The following FHIT variants were observed in gnomAD, a reference collection of about 807,000 sequenced individuals.
FHIT encodes fragile histidine triad diadenosine triphosphatase, also known as bis(5'-adenosyl)-triphosphatase.
Under a neutral mutation model 17.9 loss-of-function variants are expected in FHIT, and 19 were observed. That is an observed-to-expected ratio of 1.06 (90% confidence interval 0.74 to 1.56). The LOEUF is 1.56. FHIT is among the 40% of genes most tolerant of loss of function. The probability of loss-of-function intolerance (pLI) is 0.00; values close to 1 mark genes in which losing one functional copy is unlikely to be tolerated. For synonymous variants in FHIT, 81 were observed against 69.7 expected (o/e 1.16, Z -0.81); for missense variants, 248 against 189.2 (o/e 1.31, Z -1.82).
At chr3:61,068,028 C>G (rs1292020280) in intron 2 of FHIT, among the ~76,000 whole-genome samples, 1 of 152,174 alleles carries the variant, frequency 6.6e-6, no homozygotes. Flanking sequence ...ACTGCACAAC[C>G]CCCTCCTCAG....
At chr3:59,951,569 C>A (rs573384918) in intron 7 of FHIT, among the ~76,000 whole-genome samples, 21 of 152,324 alleles carry the variant, frequency 1.4e-4, no homozygotes, top group Non-Finnish European at 2.8e-4. Flanking sequence ...GACCCTTCAG[C>A]CAACTTGGGA....
intron 3 of FHIT, among the ~76,000 whole-genome samples, chr3:60,912,076 C>CGT (rs1553766054): frequency 1.3e-5 from 2 of 151,352 alleles, no homozygotes; most frequent in Non-Finnish European, 3.0e-5. Context: ...CACACACGTA[C>CGT]ACACACATAT....
In FHIT at chr3:60,106,192, T is replaced by C. The variant is rs1004705851; in HGVS notation, c.104-92040A>G. Reference sequence around the variant, plus strand: ...ATGGCAGTGCTTATGTTTAAGTAACTCTTCTCTTACTTAACGATAGCCCCA... The same window carrying C: ...ATGGCAGTGCTTATGTTTAAGTAACCCTTCTCTTACTTAACGATAGCCCCA... On this transcript the variant is annotated intron_variant, in intron 5 of 9. Transcript: ENST00000492590. Among the ~76,000 whole-genome samples the C allele has an allele frequency of 7.9e-5, 12 of 152,320 alleles. No individual in the cohort carries two copies. In the South Asian group the frequency reaches 2.5e-3, roughly 32 times the overall value.
intron 5 of FHIT, among the ~76,000 whole-genome samples, chr3:60,220,511 A>C (rs888392661): frequency 1.3e-5 from 2 of 152,224 alleles, no homozygotes; most frequent in Non-Finnish European, 2.9e-5. Context: ...CTTTTATTTT[A>C]AATGATTTAT....
At chr3:59,896,232 G>A (rs1704065643) in intron 8 of FHIT, among the ~76,000 whole-genome samples, 1 of 152,124 alleles carries the variant, frequency 6.6e-6, no homozygotes, top group African/African-American at 2.4e-5. Context: ...ACAGTGCCTG[G>A]CACAATGTAA....
intron 3 of FHIT, among the ~76,000 whole-genome samples, chr3:60,986,776 G>A (rs545932999): frequency 7.2e-5 from 11 of 152,142 alleles, no homozygotes; most frequent in South Asian, 2.1e-4. Flanking sequence ...AGGAATAGCC[G>A]CTGACAGTTA....
chr3:60,604,718 G>T (rs560216073), intron 4 of FHIT, among the ~76,000 whole-genome samples: 1 of 152,230 alleles, frequency 6.6e-6, no homozygotes, highest in South Asian at 2.1e-4. Context: ...TGTCCTAAGT[G>T]ATCAGCCACA....
At chr3:60,558,077 G>A (rs766091641) in intron 4 of FHIT, among the ~76,000 whole-genome samples, 11 of 152,002 alleles carry the variant, frequency 7.2e-5, no homozygotes, top group African/African-American at 2.2e-4. Flanking sequence ...GAGTCCTGCC[G>A]GGACAGAGTT....
At chr3:60,959,611 T>G (rs782654279) in intron 3 of FHIT, among the ~76,000 whole-genome samples, 2 of 151,918 alleles carry the variant, frequency 1.3e-5, no homozygotes, top group Non-Finnish European at 2.9e-5. Flanking sequence ...AACATTTGAG[T>G]TGAAATCTGA....
At chr3:60,714,059 G>A (rs8185237) in intron 4 of FHIT, among the ~76,000 whole-genome samples, 138,253 of 152,050 alleles carry the variant, frequency 0.91, 63,640 homozygotes, top group East Asian at 1. Flanking sequence ...ACTGAATCCA[G>A]CAGCACAACA....
intron 7 of FHIT, among the ~76,000 whole-genome samples, chr3:59,925,589 G>C (rs550817240): frequency 2.0e-5 from 3 of 152,186 alleles, no homozygotes; most frequent in African/African-American, 7.2e-5. Context: ...TCGTCTTCTC[G>C]ATTTAGTTCA....
At chr3:60,764,174 C>A (rs1569345) in intron 4 of FHIT, among the ~76,000 whole-genome samples, 2 of 152,064 alleles carry the variant, frequency 1.3e-5, no homozygotes, top group Non-Finnish European at 2.9e-5. Flanking sequence ...CCCACCATTC[C>A]TGAGGGGCTT....
At chr3:60,530,381 A>G (rs936345701) in intron 5 of FHIT, among the ~76,000 whole-genome samples, 2 of 152,224 alleles carry the variant, frequency 1.3e-5, no homozygotes, top group African/African-American at 2.4e-5. Context: ...CAAAGTGCAC[A>G]AAGTCCACAC....
At chr3:60,255,699 C>T (rs1195004513) in intron 5 of FHIT, among the ~76,000 whole-genome samples, 3 of 152,056 alleles carry the variant, frequency 2.0e-5, no homozygotes, top group Admixed American at 6.5e-5. Context: ...CTAAAGAAAA[C>T]AGTCAGTGGC....
chr3:60,791,623 G>A (rs994513066), intron 4 of FHIT, among the ~76,000 whole-genome samples: 4 of 152,186 alleles, frequency 2.6e-5, no homozygotes, highest in Non-Finnish European at 5.9e-5. Flanking sequence ...TTACAGGACA[G>A]AGAACATGAA....
chr3:59,987,141 T>C (rs1182334476), intron 7 of FHIT, among the ~76,000 whole-genome samples: 1 of 144,676 alleles, frequency 6.9e-6, no homozygotes, highest in Non-Finnish European at 1.5e-5. Flanking sequence ...AATATATAAT[T>C]ATATAAATAA....
At chr3:60,474,142 G>T (rs770391815) in intron 5 of FHIT, among the ~76,000 whole-genome samples, 28 of 152,310 alleles carry the variant, frequency 1.8e-4, no homozygotes, top group Middle Eastern at 3.4e-3. Context: ...CAAGGAAGAT[G>T]AAGGAGATGA....
intron 5 of FHIT, among the ~76,000 whole-genome samples, chr3:60,276,018 C>T (rs1022604617): frequency 1.4e-4 from 21 of 149,278 alleles, no homozygotes; most frequent in Admixed American, 4.0e-4. Context: ...GATGGAGTCT[C>T]GCTCAGTCGC....
At chr3:61,206,497 G>C (rs569554460) in intron 1 of FHIT, among the ~76,000 whole-genome samples, 2 of 152,064 alleles carry the variant, frequency 1.3e-5, no homozygotes, top group East Asian at 1.9e-4. Context: ...ATTTCATTGA[G>C]CAGTGGTTTG....
Sources: gnomAD v4.1 joint callset for allele counts (sites outside exome capture counted in the v4.1 genomes callset) on GRCh38, gnomAD v4.1.1 for gene constraint, MANE v1.5 for transcripts, NCBI Gene and HGNC (gene_info 2026-07-23, HGNC 2026-07-21) for gene names.